The following GFOD1 variants were observed in gnomAD, a reference collection of about 807,000 sequenced individuals.
GFOD1 encodes the protein glucose-fructose oxidoreductase domain-containing protein 1.
A neutral mutation model predicts 25.4 loss-of-function variants in GFOD1; 9 were observed. That is an observed-to-expected ratio of 0.35 (90% CI 0.21 to 0.62). The LOEUF is 0.62. Among genes scored for constraint, GFOD1 ranks in the 20% least tolerant of loss-of-function variants. The pLI is 0.72. For synonymous variants in GFOD1, 253 were observed against 245.6 expected (o/e 1.03, Z -0.28); for missense variants, 403 against 556.9 (o/e 0.72, Z 2.78).
intron 1 of GFOD1, among the ~76,000 whole-genome samples, chr6:13,454,383 G>C (rs916730154): frequency 8.5e-5 from 13 of 152,192 alleles, no homozygotes; most frequent in Admixed American, 7.2e-4. Context: ...ACATTAGCTA[G>C]AATCAGCAAT....
At chr6:13,390,796 G>GAAGGAAGA (rs1785585157) in intron 1 of GFOD1, among the ~76,000 whole-genome samples, 1 of 149,664 alleles carries the variant, frequency 6.7e-6, no homozygotes, top group Non-Finnish European at 1.5e-5. Flanking sequence ...AGGAAGGAAG[G>GAAGGAAGA]AAGGAAGGAA....
chr6:13,409,921 T>TC (rs1786040946), intron 1 of GFOD1, among the ~76,000 whole-genome samples: 2 of 37,292 alleles, frequency 5.4e-5, no homozygotes, highest in Admixed American at 3.6e-4. Flanking sequence ...GGGCTCCATT[T>TC]CAAAAAAAAA....
chr6:13,449,728 C>A (rs1279913266), intron 1 of GFOD1, among the ~76,000 whole-genome samples: 2 of 152,148 alleles, frequency 1.3e-5, no homozygotes, highest in Non-Finnish European at 2.9e-5. Context: ...TTCTCTTTTG[C>A]CTGCCACCAT....
At chr6:13,409,128 A>AGAG (rs1562209317) in intron 1 of GFOD1, among the ~76,000 whole-genome samples, 3 of 47,436 alleles carry the variant, frequency 6.3e-5, no homozygotes, top group Non-Finnish European at 1.9e-4. Context: ...AAAGAAAGAA[A>AGAG]GAAAGAAAGA....
chr6:13,396,241 C>T (rs949504146), intron 1 of GFOD1, among the ~76,000 whole-genome samples: 1 of 152,210 alleles, frequency 6.6e-6, no homozygotes, highest in African/African-American at 2.4e-5. Context: ...CTTCAATCTT[C>T]CCTGCAGATC....
chr6:13,427,124 T>G (rs1464586859), intron 1 of GFOD1, among the ~76,000 whole-genome samples: 3 of 152,230 alleles, frequency 2.0e-5, no homozygotes, highest in South Asian at 2.1e-4. Context: ...AGGATCACAA[T>G]GCACCTTTTT....
At position 13,358,420 on chromosome 6, in the gene GFOD1, A is replaced by G. The variant is rs974617627; in HGVS notation, c.*6323T>C. Reference sequence around the variant, plus strand: ...CATTTTGGTTAAAAAACACAACAACAACAATAAAAAGCAGATGAAGTACTA... The same window carrying G: ...CATTTTGGTTAAAAAACACAACAACGACAATAAAAAGCAGATGAAGTACTA... On this transcript the variant is annotated 3_prime_UTR_variant, in exon 2 of 2. Transcript: ENST00000379287. 6.6e-6 allele frequency: 1 copy of G among 152,180 alleles called. No homozygotes were observed. The highest frequency in any genetic ancestry group is 1.5e-5 in the Non-Finnish European group (1 of 68,038). The allele number at this position is 152,180 out of a possible 1,614,324, so 9.4% of individuals were successfully genotyped here. A position where few individuals can be genotyped will look rare whatever the true frequency, so the allele number is the denominator to read the frequency against.
chr6:13,389,635 G>T (rs1052403551), intron 1 of GFOD1, among the ~76,000 whole-genome samples: 2 of 152,190 alleles, frequency 1.3e-5, no homozygotes, highest in Non-Finnish European at 2.9e-5. Flanking sequence ...TGGGGGAAGG[G>T]ATAGCATTAG....
At chr6:13,458,084 C>A (rs1034401666) in intron 1 of GFOD1, among the ~76,000 whole-genome samples, 1 of 152,104 alleles carries the variant, frequency 6.6e-6, no homozygotes, top group African/African-American at 2.4e-5. Context: ...TAATTTTAAA[C>A]CCTCTTTGAA....
intron 1 of GFOD1, among the ~76,000 whole-genome samples, chr6:13,484,225 T>C (rs923821853): frequency 6.7e-6 from 1 of 149,830 alleles, no homozygotes; most frequent in Non-Finnish European, 1.5e-5. Context: ...GATCGAAGGC[T>C]ACAGACCTGT....
At chr6:13,465,864 A>C (rs1758371791) in intron 1 of GFOD1, among the ~76,000 whole-genome samples, 1 of 152,232 alleles carries the variant, frequency 6.6e-6, no homozygotes, top group African/African-American at 2.4e-5. Context: ...CAGCACATTT[A>C]TAATGAAACC....
rs57340590 is a variant in GFOD1, at chr6:13,391,511, C to CA, written c.254-25850dup. 5.5e-3 allele frequency among the ~76,000 whole-genome samples: 597 copies of CA among 108,668 alleles called. 5 individuals are homozygous for CA. Among genetic ancestry groups the CA allele is most frequent in the African/African-American group, 0.014 (395 of 28,792 alleles). The allele number at this position is 108,668 out of a possible 152,430, so 71.3% of individuals were successfully genotyped here. On this transcript the variant is annotated intron_variant, in intron 1 of 1. Transcript: ENST00000379287. The stretch of plus-strand genomic sequence containing the variant: ...AGACTCCATCTCAAAAACAAACAAA[C>CA]AAAAAAAAAAAAAAAAAAAGAAAGA...
intron 1 of GFOD1, among the ~76,000 whole-genome samples, chr6:13,420,679 T>G (rs1460294866): frequency 6.6e-5 from 10 of 152,340 alleles, no homozygotes; most frequent in African/African-American, 2.4e-4. Context: ...TAGAATAAAC[T>G]GCCAGGTATT....
intron 1 of GFOD1, among the ~76,000 whole-genome samples, chr6:13,406,326 A>G (rs1466146061): frequency 6.6e-6 from 1 of 152,186 alleles, no homozygotes; most frequent in African/African-American, 2.4e-5. Flanking sequence ...CTGTTTGTTT[A>G]CCACATTACA....
chr6:13,483,065 T>A (rs1758788854), intron 1 of GFOD1, among the ~76,000 whole-genome samples: 1 of 152,170 alleles, frequency 6.6e-6, no homozygotes, highest in Admixed American at 6.5e-5. Context: ...GTCTTCACTG[T>A]GTACTTTTAT....
chr6:13,427,566 G>T (rs190831060), intron 1 of GFOD1, among the ~76,000 whole-genome samples: 318 of 152,136 alleles, frequency 2.1e-3, no homozygotes, highest in East Asian at 4.6e-3. Flanking sequence ...CAGGAGGATC[G>T]CGTGAGCCCA....
At chr6:13,443,245 C>G (rs1200778694) in intron 1 of GFOD1, among the ~76,000 whole-genome samples, 1 of 152,226 alleles carries the variant, frequency 6.6e-6, no homozygotes, top group Non-Finnish European at 1.5e-5. Flanking sequence ...GGATGAGAAG[C>G]TGCTTCTTAT....
chr6:13,384,798 T>C lies in GFOD1; in HGVS notation c.254-19136A>G, dbSNP rs1184783759. 2.0e-5 allele frequency among the ~76,000 whole-genome samples: 3 copies of C among 152,352 alleles called. No homozygotes were observed. The East Asian group carries it at 5.8e-4, about 29-fold the overall frequency. ...TCTGATGCACTGTAAAATAATCAAT[T>C]GCCTCTTAAAGGGCTTTTGCGTACA... On this transcript the variant is annotated intron_variant, in intron 1 of 1. Transcript: ENST00000379287.
At chr6:13,406,675 T>C (rs1230465871) in intron 1 of GFOD1, among the ~76,000 whole-genome samples, 1 of 152,172 alleles carries the variant, frequency 6.6e-6, no homozygotes, top group Non-Finnish European at 1.5e-5. Context: ...TCAATTTCCC[T>C]GACAAAGAAG....
Sources: allele counts gnomAD v4.1 joint callset (sites outside exome capture counted in the v4.1 genomes callset), GRCh38; gene constraint gnomAD v4.1.1; transcripts MANE v1.5; gene names NCBI Gene and HGNC (gene_info 2026-07-23, HGNC 2026-07-21).